CDK8: variants seen among roughly 807,000 people sequenced by gnomAD.
CDK8 encodes the protein cyclin-dependent kinase 8.
Under a neutral mutation model 71.5 loss-of-function variants are expected in CDK8, and 29 were observed. The ratio of observed to expected loss-of-function variants is 0.41; its 90% CI spans 0.30 to 0.55. CDK8 has a LOEUF of 0.55. Ranked by LOEUF, CDK8 falls within the 20% of genes least tolerant of loss-of-function variation. CDK8 has a pLI of 0.37. For missense variants in CDK8, 288 were observed against 572.6 expected, an observed-to-expected ratio of 0.50 and a Z score of 5.07; for synonymous variants, 161 against 192.1, an observed-to-expected ratio of 0.84 and a Z score of 1.34.
intron 3 of CDK8, among the ~76,000 whole-genome samples, chr13:26,353,008 G>A (rs918899803): frequency 2.0e-5 from 3 of 152,170 alleles, no homozygotes; most frequent in Non-Finnish European, 4.4e-5. Flanking sequence ...GTTTACTGCA[G>A]CCGAGTTATA....
intron 6 of CDK8, among the ~76,000 whole-genome samples, chr13:26,391,277 T>A: frequency 6.6e-6 from 1 of 152,168 alleles, no homozygotes; most frequent in East Asian, 1.9e-4. Flanking sequence ...TAGCTTTGCA[T>A]ACATTTTTTC....
chr13:26,283,329 G>A (rs867400328), intron 1 of CDK8, among the ~76,000 whole-genome samples: 1 of 152,328 alleles, frequency 6.6e-6, no homozygotes, highest in African/African-American at 2.4e-5. Context: ...AACAAAATTG[G>A]CTGGGCACGG....
chr13:26,397,705 A>T (rs372166351), intron 9 of CDK8, among the ~76,000 whole-genome samples: 6 of 152,246 alleles, frequency 3.9e-5, no homozygotes, highest in African/African-American at 1.4e-4. Flanking sequence ...ATTTTTCTGG[A>T]AGAATGTGAT....
At chr13:26,266,541 C>CT (rs1872027412) in intron 1 of CDK8, among the ~76,000 whole-genome samples, 1 of 152,108 alleles carries the variant, frequency 6.6e-6, no homozygotes, top group African/African-American at 2.4e-5. Flanking sequence ...CAGGAAGAGT[C>CT]TTTCCAGGAG....
chr13:26,357,631 A>G (rs2138005255), intron 4 of CDK8, among the ~76,000 whole-genome samples: 1 of 152,342 alleles, frequency 6.6e-6, no homozygotes, highest in South Asian at 2.1e-4. Context: ...CCAGAGATGC[A>G]GAACCAACAA....
At chr13:26,395,451 C>A (rs890466360) in intron 7 of CDK8, among the ~76,000 whole-genome samples, 9 of 151,134 alleles carry the variant, frequency 6.0e-5, no homozygotes, top group Admixed American at 4.6e-4. Context: ...CCATTGCACT[C>A]CGGCCTGGGC....
At chr13:26,368,018 A>T (rs116754019) in intron 4 of CDK8, among the ~76,000 whole-genome samples, 6 of 152,310 alleles carry the variant, frequency 3.9e-5, no homozygotes, top group African/African-American at 1.4e-4. Flanking sequence ...CCATCTTACA[A>T]GGAGATTTCA....
rs1239200308 is a variant in CDK8, at chr13:26,254,340, C to G, written c.-302C>G. 1 of 271,044 alleles carries G rather than the reference C, an allele frequency of 3.7e-6. No homozygotes were observed. Among genetic ancestry groups the G allele is most frequent in the Non-Finnish European group, 7.1e-6 (1 of 140,988 alleles). The allele number at this position is 271,044 out of a possible 1,614,324, so 16.8% of individuals were successfully genotyped here. On this transcript the variant is annotated 5_prime_UTR_variant, in exon 1 of 13. Coordinates refer to ENST00000381527, the MANE Select transcript of CDK8 (RefSeq NM_001260.3). The surrounding 1 kb of genome is among the most constrained non-coding windows in gnomAD (Gnocchi z 6.7). ...CGGCGGAGCCGGCGCCCAGGGAGCC[C>G]GCGGGGACAAGGGCAGAGACACCGC...
intron 1 of CDK8, among the ~76,000 whole-genome samples, chr13:26,293,027 C>T (rs1159985758): frequency 1.3e-5 from 2 of 152,126 alleles, no homozygotes; most frequent in African/African-American, 4.8e-5. Context: ...TGTGTGATTC[C>T]ATGGTGTAAT....
chr13:26,385,194 T>G lies in CDK8; in HGVS notation c.515-17T>G, dbSNP rs1875418037. 2 of 1,581,030 alleles carry G rather than the reference T, an allele frequency of 1.3e-6. No individual in the cohort carries two copies. The highest frequency in any genetic ancestry group is 1.7e-6 in the Non-Finnish European group (2 of 1,166,642). Reference sequence around the variant, plus strand: ...AAATCATTTACTTAGCATGATTTTTTTTTTATTATTTTACAGCTGACATGG... The same window carrying G: ...AAATCATTTACTTAGCATGATTTTTGTTTTATTATTTTACAGCTGACATGG... On this transcript the variant is annotated splice_polypyrimidine_tract_variant and intron_variant, in intron 5 of 12. Coordinates refer to ENST00000381527, the MANE Select transcript of CDK8 (RefSeq NM_001260.3).
At position 26,372,353 on chromosome 13, in the gene CDK8, G is replaced by A. The variant is rs1215521475; in HGVS notation, c.457-10461G>A. On this transcript the variant is annotated intron_variant, in intron 4 of 12. Transcript: ENST00000381527. The stretch of plus-strand genomic sequence containing the variant: ...GGCAGAAACATATTGCTTTAAACCA[G>A]TTGTTTGAAAGGCACATTAAAACAG... 2.0e-5 allele frequency among the ~76,000 whole-genome samples: 3 copies of A among 152,084 alleles called. No homozygotes were observed. In the East Asian group the frequency reaches 5.8e-4, roughly 29 times the overall value.
At chr13:26,336,883 C>T (rs539235966) in intron 1 of CDK8, among the ~76,000 whole-genome samples, 28 of 152,254 alleles carry the variant, frequency 1.8e-4, no homozygotes, top group South Asian at 1.2e-3. Flanking sequence ...GGTCCTCCAC[C>T]AAGTCCCCTT....
At chr13:26,278,258 C>A (rs915371642) in intron 1 of CDK8, among the ~76,000 whole-genome samples, 1 of 152,076 alleles carries the variant, frequency 6.6e-6, no homozygotes, top group African/African-American at 2.4e-5. Flanking sequence ...AGAAAAAGTA[C>A]AAGAAATTTT....
chr13:26,262,544 A>G (rs1034118427), intron 1 of CDK8, among the ~76,000 whole-genome samples: 1 of 152,252 alleles, frequency 6.6e-6, no homozygotes, highest in African/African-American at 2.4e-5. Flanking sequence ...CTATGTTTTT[A>G]CCCAGAATGG....
intron 1 of CDK8, among the ~76,000 whole-genome samples, chr13:26,284,861 T>C (rs1375314531): frequency 7.6e-6 from 1 of 131,654 alleles, no homozygotes; most frequent in African/African-American, 2.8e-5. Flanking sequence ...AGGCAGCAAG[T>C]GGGGGAGGGA....
rs1217553148 is a variant in CDK8, at chr13:26,299,617, TG to T, written c.129-37948del. On this transcript the variant is annotated intron_variant, in intron 1 of 12. Transcript: ENST00000381527. ...CTGAATGCAGTGATTTCAGTCATCT[TG>T]GCATATCTTGCCTCTAGCATGGGGT... is the stretch of plus-strand genomic sequence containing the variant. Among the ~76,000 whole-genome samples, 9 of 152,234 alleles carry T rather than the reference TG, an allele frequency of 5.9e-5. 1 individual carries two copies. The highest frequency in any genetic ancestry group is 2.6e-4 in the Admixed American group (4 of 15,278).
At chr13:26,329,895 A>G (rs1875229399) in intron 1 of CDK8, among the ~76,000 whole-genome samples, 1 of 152,120 alleles carries the variant, frequency 6.6e-6, no homozygotes, top group Non-Finnish European at 1.5e-5. Flanking sequence ...ACTTGCTGCT[A>G]GTCTTTACTA....
At chr13:26,362,189 G>A (rs904733889) in intron 4 of CDK8, among the ~76,000 whole-genome samples, 1 of 151,844 alleles carries the variant, frequency 6.6e-6, no homozygotes, top group African/African-American at 2.4e-5. Context: ...CAATAGGATA[G>A]ATAGGTAGAT....
chr13:26,322,609 C>T (rs766189401), intron 1 of CDK8, among the ~76,000 whole-genome samples: 1 of 152,180 alleles, frequency 6.6e-6, no homozygotes, highest in Non-Finnish European at 1.5e-5. Context: ...TCTGGGACTA[C>T]TATTAGGCAG....
Sources: gnomAD v4.1 joint callset for allele counts (sites outside exome capture counted in the v4.1 genomes callset) on GRCh38, gnomAD v4.1.1 for gene constraint, Gnocchi (gnomAD v3.1) non-coding constraint, MANE v1.5 for transcripts, NCBI Gene and HGNC (gene_info 2026-07-23, HGNC 2026-07-21) for gene names.